Variants in ACSL6 observed in about 807,000 individuals in gnomAD.
The protein encoded by ACSL6 is acyl-CoA synthetase long chain family member 6.
Under a neutral mutation model 98.2 loss-of-function variants are expected in ACSL6, and 47 were observed. The ratio of observed to expected loss-of-function variants is 0.48; its 90% CI spans 0.38 to 0.61. The LOEUF (loss-of-function observed/expected upper bound fraction) is 0.61, where lower values mean the gene tolerates loss of function less well. Among genes scored for constraint, ACSL6 ranks in the 20% least tolerant of loss-of-function variants. ACSL6 has a pLI of 0.00. For missense variants in ACSL6, 761 were observed against 913.4 expected, an observed-to-expected ratio of 0.83 and a Z score of 2.15; for synonymous variants, 362 against 336.9, an observed-to-expected ratio of 1.07 and a Z score of -0.82.
Position 131,953,804 on chromosome 5 carries a change from G to A in ACSL6, c.*430C>T, listed in dbSNP as rs1752263356. 5.1e-6 allele frequency: 1 copy of A among 194,434 alleles called. No individual in the cohort carries two copies. The highest frequency in any genetic ancestry group is 1.1e-5 in the Non-Finnish European group (1 of 93,244). 12.0% of individuals were successfully genotyped at this position (194,434 alleles called of 1,614,324 possible). A position where few individuals can be genotyped will look rare whatever the true frequency, so the allele number is the denominator to read the frequency against. On this transcript the variant is annotated 3_prime_UTR_variant, in exon 21 of 21. Coordinates refer to ENST00000651883, the MANE Select transcript of ACSL6 (RefSeq NM_001009185.3). Reference sequence around the variant, plus strand: ...AATTTTTGAAGTCTGATTTAATTGTGATTTTGACAATCAGTTACTGAATGA... The same window carrying A: ...AATTTTTGAAGTCTGATTTAATTGTAATTTTGACAATCAGTTACTGAATGA...
At chr5:131,983,515 G>A (rs1227203286) in intron 9 of ACSL6, 1 of 152,226 alleles carries the variant, frequency 6.6e-6, no homozygotes, top group Non-Finnish European at 1.5e-5. Flanking sequence ...TGGGAGCCAG[G>A]ACATTTAGCT....
upstream of ACSL6, chr5:132,012,117 G>A (rs564007301): frequency 2.8e-4 from 176 of 622,372 alleles, no homozygotes; most frequent in African/African-American, 2.5e-3. Flanking sequence ...ACTCCTGTGG[G>A]CTGTTGCCCG....
chr5:131,972,949 G>A (rs1198896145), intron 12 of ACSL6, 91 bp from the exon 13 acceptor site: 39 of 1,566,470 alleles, frequency 2.5e-5, no homozygotes, highest in Non-Finnish European at 3.3e-5. Flanking sequence ...CTGGCCAGCA[G>A]AGAAGCCATG....
At chr5:131,985,569 G>T in intron 8 of ACSL6, 111 bp from the exon 9 acceptor site, 1 of 1,135,430 alleles carries the variant, frequency 8.8e-7, no homozygotes, top group Non-Finnish European at 1.3e-6. Context: ...GTATGTGGGT[G>T]TGAGCATGTG....
intron 1 of ACSL6, among the ~76,000 whole-genome samples, chr5:132,004,907 GAGATGGGTGGATC>G (rs1157879257): frequency 6.6e-6 from 1 of 152,202 alleles, no homozygotes; most frequent in Non-Finnish European, 1.5e-5. Flanking sequence ...TTGGGAGGCT[GAGATGGGTGGATC>G]ACCTAGATCA....
At chr5:131,979,345 A>G (rs565653108) in intron 9 of ACSL6, among the ~76,000 whole-genome samples, 1 of 152,306 alleles carries the variant, frequency 6.6e-6, no homozygotes, top group Non-Finnish European at 1.5e-5. Flanking sequence ...AGAGCTTTGG[A>G]TTTGCAAAGT....
intron 9 of ACSL6, among the ~76,000 whole-genome samples, 155 bp from the exon 10 acceptor site, chr5:131,976,876 C>T (rs899610110): frequency 6.6e-6 from 1 of 152,224 alleles, no homozygotes; most frequent in Non-Finnish European, 1.5e-5. Flanking sequence ...CAGATGAATG[C>T]TGCTTCAGGG....
intron 14 of ACSL6, among the ~76,000 whole-genome samples, chr5:131,970,437 T>C (rs1753242111): frequency 6.8e-6 from 1 of 147,534 alleles, no homozygotes; most frequent in East Asian, 2.0e-4. Context: ...TGAGACGGAG[T>C]CTCACTCTGT....
At position 131,990,094 on chromosome 5, in the gene ACSL6, AC is replaced by A; in HGVS notation, c.450+5del. On this transcript the variant is annotated splice_donor_5th_base_variant and intron_variant, in intron 4 of 20. Transcript: ENST00000651883. Reference sequence around the variant, plus strand: ...GCCAGGGTGGGGCCTGTCCTGTATCACTCACCTCCTGGTAGGACAGCCACTG... The same window carrying A: ...GCCAGGGTGGGGCCTGTCCTGTATCATCACCTCCTGGTAGGACAGCCACTG... The A allele has an allele frequency of 6.2e-7, 1 of 1,613,270 alleles. No individual in the cohort carries two copies. Among genetic ancestry groups the A allele is most frequent in the South Asian group, 1.1e-5 (1 of 90,950 alleles).
chr5:131,994,004 C>T lies in ACSL6; in HGVS notation c.270+27G>A, dbSNP rs73786741. On this transcript the variant is annotated intron_variant, in intron 2 of 20. Coordinates refer to ENST00000651883, the MANE Select transcript of ACSL6 (RefSeq NM_001009185.3). Reference sequence around the variant, plus strand: ...CCTGTCCTCTGCCCCCTACTTTCCGCAGTGGAACGTCTCCTATCCTGCTCA... The same window carrying T: ...CCTGTCCTCTGCCCCCTACTTTCCGTAGTGGAACGTCTCCTATCCTGCTCA... 2.6e-3 allele frequency: 4,213 copies of T among 1,606,786 alleles called. 70 individuals are homozygous for T. In the African/African-American group the frequency reaches 0.042, roughly 16 times the overall value.
At position 131,973,267 on chromosome 5, in the gene ACSL6, T is replaced by C; in HGVS notation, c.1202A>G (p.Lys401Arg). 6.2e-7 allele frequency: 1 copy of C among 1,613,986 alleles called. No individual in the cohort carries two copies. The highest frequency in any genetic ancestry group is 8.5e-7 in the Non-Finnish European group (1 of 1,179,920). Reference sequence around the variant, plus strand: ...CTGAAGACTCCCTGCAGAACTTACCTTGTCGTACATCCGGTTCAGCAGTCG... The same window carrying C: ...CTGAAGACTCCCTGCAGAACTTACCCTGTCGTACATCCGGTTCAGCAGTCG... ...VPRLLNRMYD[K>R]IFSQANTPLK... The change falls in exon 12 of 21, where the codon AAG becomes AGG. Residue 401 changes from lysine (K) to arginine (R), a missense_variant and splice_region_variant. Physicochemically the swap from Lys to Arg is conservative, Grantham distance 26. Transcript: ENST00000651883.
At chr5:131,961,121 C>T (rs1420675372) in intron 18 of ACSL6, among the ~76,000 whole-genome samples, 1 of 152,042 alleles carries the variant, frequency 6.6e-6, no homozygotes, top group Non-Finnish European at 1.5e-5. Context: ...ACCTCCTGAG[C>T]CCAAGTGATC....
upstream of ACSL6, chr5:132,011,792 G>C: frequency 7.3e-7 from 1 of 1,368,926 alleles, no homozygotes; most frequent in Non-Finnish European, 9.5e-7. The surrounding 1 kb of genome is among the most constrained non-coding windows in gnomAD (Gnocchi z 5.4). Flanking sequence ...AGCCTGGCCG[G>C]CCGGGTCTGG....
rs1199752217 is a variant in ACSL6 at position 131,973,442 on chromosome 5, T to C, written c.1069-42A>G. ...GGAAGGGAGGAGTCCCTTAGGGTGG[T>C]CACTACTGGCGATAGTCCAAAGCTG... On this transcript the variant is annotated intron_variant, in intron 11 of 20. Coordinates refer to ENST00000651883, the MANE Select transcript of ACSL6 (RefSeq NM_001009185.3). The C allele has an allele frequency of 3.1e-6, 5 of 1,604,522 alleles. No homozygotes were observed. In the Admixed American group the frequency reaches 6.7e-5, roughly 22 times the overall value.
At chr5:132,011,883 C>T (rs779156653), upstream of ACSL6, 422 of 1,544,472 alleles carry the variant, frequency 2.7e-4, no homozygotes, top group Non-Finnish European at 3.5e-4. This position sits in a 1 kb window ranked among gnomAD's most constrained non-coding sequence, Gnocchi z 5.4. Flanking sequence ...GCGAACCAGC[C>T]CTCTCCGGCC....
rs1752225649 is a variant in ACSL6, at chr5:131,952,998, C to T, written c.*1236G>A. The T allele has an allele frequency of 4.8e-6, 1 of 209,352 alleles. No homozygotes were observed. Among genetic ancestry groups the T allele is most frequent in the African/African-American group, 2.3e-5 (1 of 43,928 alleles). The allele number at this position is 209,352 out of a possible 1,614,324, so 13.0% of individuals were successfully genotyped here. A position where few individuals can be genotyped will look rare whatever the true frequency, so the allele number is the denominator to read the frequency against. ...ATTACAACCATATAGGGTTTCCAGG[C>T]ATAGCATGGGCACATTGGGAATGGA... On this transcript the variant is annotated 3_prime_UTR_variant, in exon 21 of 21. Transcript: ENST00000651883.
intron 13 of ACSL6, among the ~76,000 whole-genome samples, chr5:131,971,935 C>A (rs1489855841): frequency 6.6e-6 from 1 of 152,184 alleles, no homozygotes; most frequent in Admixed American, 6.5e-5. Flanking sequence ...ATTGGTTCTT[C>A]TCCCTTCCTT....
At chr5:131,963,956 C>G (rs1441147678) in intron 17 of ACSL6, among the ~76,000 whole-genome samples, 1 of 152,192 alleles carries the variant, frequency 6.6e-6, no homozygotes, top group Non-Finnish European at 1.5e-5. Context: ...AGCCACACAG[C>G]TAGAAGTTGG....
At chr5:132,001,483 CAA>C (rs1755082515) in intron 1 of ACSL6, among the ~76,000 whole-genome samples, 1 of 152,186 alleles carries the variant, frequency 6.6e-6, no homozygotes, top group South Asian at 2.1e-4. Context: ...AGAAATGGAG[CAA>C]AGAGCCTCCC....
Sources: gnomAD v4.1 joint callset for allele counts (sites outside exome capture counted in the v4.1 genomes callset) on GRCh38, gnomAD v4.1.1 for gene constraint, Gnocchi (gnomAD v3.1) non-coding constraint, MANE v1.5 for transcripts, NCBI Gene and HGNC (gene_info 2026-07-23, HGNC 2026-07-21) for gene names.